Variants in GYG1 observed in about 807,000 individuals in gnomAD.
GYG1 encodes glycogenin-1.
GYG1 carries 44 observed loss-of-function variants against 41.9 expected under a neutral mutation model. That is an observed-to-expected ratio of 1.05 (90% CI 0.83 to 1.35). The LOEUF is 1.35. Among genes scored for constraint, GYG1 ranks in the 40% most tolerant of loss-of-function variants. The probability of loss-of-function intolerance (pLI) is 0.00; values close to 1 mark genes in which losing one functional copy is unlikely to be tolerated. For missense variants in GYG1, 429 were observed against 418.9 expected, an observed-to-expected ratio of 1.02 and a Z score of -0.21; for synonymous variants, 141 against 158.1, an observed-to-expected ratio of 0.89 and a Z score of 0.81.
chr3:149,007,697 G>A (rs1207561619), intron 4 of GYG1, among the ~76,000 whole-genome samples: 4 of 152,162 alleles, frequency 2.6e-5, no homozygotes, highest in Non-Finnish European at 4.4e-5. Context: ...GTTGAGAAAC[G>A]ACCTGGATTT....
intron 2 of GYG1, among the ~76,000 whole-genome samples, chr3:148,995,645 C>T (rs1448916330): frequency 6.6e-6 from 1 of 152,188 alleles, no homozygotes; most frequent in East Asian, 1.9e-4. Context: ...GTCAAGTTTA[C>T]TGTGTGAACT....
intron 5 of GYG1, 83 bp from the exon 6 acceptor site, chr3:149,023,970 T>G (rs1189423722): frequency 1.1e-6 from 1 of 931,862 alleles, no homozygotes; most frequent in African/African-American, 1.6e-5. Flanking sequence ...AAGAAAGCTA[T>G]AGAAAAGTGC....
intron 5 of GYG1, 81 bp downstream of exon 5, chr3:149,009,483 T>C: frequency 7.5e-7 from 1 of 1,328,494 alleles, no homozygotes; most frequent in Non-Finnish European, 1.1e-6. Context: ...TGCTTCATTG[T>C]CATTCCGAGG....
At position 149,007,371 on chromosome 3, in the gene GYG1, T is replaced by C. The variant is rs547754111; in HGVS notation, c.482-1905T>C. On this transcript the variant is annotated intron_variant, in intron 4 of 7. Transcript: ENST00000345003. ...AAGCATATTCTGTTGCCATCTTTAT[T>C]GTCCTTTAGAACTTATAAGAGTGAA... Among the ~76,000 whole-genome samples the C allele has an allele frequency of 2.6e-4, 40 of 152,252 alleles. 1 individual carries two copies. Among genetic ancestry groups the C allele is most frequent in the Middle Eastern group, 6.3e-3 (2 of 316 alleles).
chr3:148,995,076 G>A (rs1056149120), intron 2 of GYG1, among the ~76,000 whole-genome samples: 2 of 152,150 alleles, frequency 1.3e-5, no homozygotes, highest in Non-Finnish European at 2.9e-5. Context: ...ATGGTGGCGC[G>A]TGCCTGTGAT....
intron 2 of GYG1, among the ~76,000 whole-genome samples, chr3:148,995,492 A>G (rs563220256): frequency 5.3e-4 from 80 of 152,312 alleles, no homozygotes; most frequent in South Asian, 3.1e-3. Context: ...GGAAGATGCC[A>G]AAAAGGCTGT....
chr3:149,023,271 A>G (rs1714467128), intron 5 of GYG1, among the ~76,000 whole-genome samples: 1 of 152,218 alleles, frequency 6.6e-6, no homozygotes, highest in African/African-American at 2.4e-5. Flanking sequence ...GCCATAGGAC[A>G]TGTCCAACAT....
intron 1 of GYG1, among the ~76,000 whole-genome samples, chr3:148,993,582 G>A (rs1712613263): frequency 6.6e-6 from 1 of 152,094 alleles, no homozygotes. Context: ...GTTCGAGGCT[G>A]CAGTGAGCTA....
intron 4 of GYG1, among the ~76,000 whole-genome samples, chr3:148,998,213 T>C (rs953265323): frequency 2.6e-5 from 4 of 152,232 alleles, no homozygotes; most frequent in African/African-American, 9.6e-5. Context: ...GAATTGTGGC[T>C]ATATATGAAA....
intron 5 of GYG1, among the ~76,000 whole-genome samples, chr3:149,011,767 CAATG>C (rs529042384): frequency 1.1e-3 from 175 of 152,228 alleles, no homozygotes; most frequent in African/African-American, 4.0e-3. Context: ...CTTCCTGGCT[CAATG>C]AATGAGTGCT....
At chr3:148,993,178 G>A (rs932899879) in intron 1 of GYG1, among the ~76,000 whole-genome samples, 1 of 152,098 alleles carries the variant, frequency 6.6e-6, no homozygotes, top group Admixed American at 6.5e-5. Flanking sequence ...GGGAATGACT[G>A]GAGAAATCTT....
intron 7 of GYG1, 111 bp downstream of exon 7, chr3:149,026,613 T>G: frequency 9.9e-7 from 1 of 1,007,788 alleles, no homozygotes; most frequent in Non-Finnish European, 1.6e-6. Flanking sequence ...TATTTTTGTG[T>G]CTTTTTTGTT....
At chr3:149,026,125 A>C (rs753206197) in intron 6 of GYG1, among the ~76,000 whole-genome samples, 2 of 152,244 alleles carry the variant, frequency 1.3e-5, no homozygotes, top group Non-Finnish European at 2.9e-5. Flanking sequence ...AACCAAGGAA[A>C]GGTGAAGATG....
rs747647995 is a variant in GYG1, at chr3:149,009,275, G to C, written c.482-1G>C. On this transcript the variant is annotated splice_acceptor_variant, in intron 4 of 7. Transcript: ENST00000345003. LOFTEE classifies it high-confidence loss of function. ...CTAATTTATATATTTTTTTCTTTTAGGTGGGGACCAAGGCATACTGAACAC... is the reference window on the plus strand; with the variant it reads ...CTAATTTATATATTTTTTTCTTTTACGTGGGGACCAAGGCATACTGAACAC... 3.7e-6 allele frequency: 6 copies of C among 1,609,526 alleles called. No homozygotes were observed. Among genetic ancestry groups the C allele is most frequent in the South Asian group, 3.3e-5 (3 of 90,952 alleles).
chr3:149,030,124 A>C lies in GYG1; in HGVS notation c.*3191A>C, dbSNP rs1714877255. 6.6e-6 allele frequency: 1 copy of C among 152,244 alleles called. No homozygotes were observed. Among genetic ancestry groups the C allele is most frequent in the African/African-American group, 2.4e-5 (1 of 41,468 alleles). 9.4% of individuals were successfully genotyped at this position (152,244 alleles called of 1,614,324 possible). On this transcript the variant is annotated 3_prime_UTR_variant, in exon 8 of 8. Coordinates refer to ENST00000345003, the MANE Select transcript of GYG1 (RefSeq NM_004130.4). ...CAAAATTATGGCACCGAGGAAGGTA[A>C]TAAACATTTGAAATTTTTATTGATT...
chr3:149,013,056 T>C (rs1412279093), intron 5 of GYG1, among the ~76,000 whole-genome samples: 3 of 146,792 alleles, frequency 2.0e-5, no homozygotes, highest in Middle Eastern at 3.5e-3. Context: ...GGTTTTGCCA[T>C]GTTGCCCAGA....
At chr3:149,023,542 G>C (rs1421707940) in intron 5 of GYG1, among the ~76,000 whole-genome samples, 2 of 152,172 alleles carry the variant, frequency 1.3e-5, no homozygotes, top group African/African-American at 2.4e-5. Flanking sequence ...TTTCCAAGTG[G>C]TGTGCCTGTT....
intron 6 of GYG1, among the ~76,000 whole-genome samples, chr3:149,026,053 C>T (rs532333237): frequency 9.8e-5 from 15 of 152,334 alleles, no homozygotes; most frequent in African/African-American, 3.6e-4. Flanking sequence ...TATACCCAAA[C>T]ATCTTAAAGT....
chr3:149,009,033 C>T (rs1237737965), intron 4 of GYG1: 2 of 436,622 alleles, frequency 4.6e-6, no homozygotes, highest in South Asian at 2.4e-5. Flanking sequence ...GTGGCATGCA[C>T]CTGTAGTCCC....
Sources: gnomAD v4.1 joint callset for allele counts (sites outside exome capture counted in the v4.1 genomes callset) on GRCh38, gnomAD v4.1.1 for gene constraint, MANE v1.5 for transcripts, NCBI Gene and HGNC (gene_info 2026-07-23, HGNC 2026-07-21) for gene names.